WBP1L: variants seen among roughly 807,000 people sequenced by gnomAD.
WBP1L encodes the protein WW domain binding protein 1 like, also known as WW domain binding protein 1-like.
A neutral mutation model predicts 33.7 loss-of-function variants in WBP1L; 17 were observed. The observed-to-expected ratio is 0.50, with a 90% CI of 0.34 to 0.76. The LOEUF (loss-of-function observed/expected upper bound fraction) is 0.76, where lower values mean the gene tolerates loss of function less well. Among genes scored for constraint, WBP1L ranks in the 30% least tolerant of loss-of-function variants. The pLI is 0.01. For synonymous variants in WBP1L, 173 were observed against 190.8 expected, an observed-to-expected ratio of 0.91 and a Z score of 0.77; for missense variants, 389 against 469.4, an observed-to-expected ratio of 0.83 and a Z score of 1.58.
At chr10:102,758,303 G>A (rs925650335) in intron 1 of WBP1L, among the ~76,000 whole-genome samples, 3 of 151,956 alleles carry the variant, frequency 2.0e-5, no homozygotes, top group Non-Finnish European at 2.9e-5. Context: ...CACCATCACC[G>A]CTATCTTAAT....
At chr10:102,772,716 T>A (rs1329774624) in intron 1 of WBP1L, among the ~76,000 whole-genome samples, 1 of 150,726 alleles carries the variant, frequency 6.6e-6, no homozygotes, top group East Asian at 1.9e-4. Context: ...ACAACAGGCA[T>A]GTGCCACCAT....
At chr10:102,765,579 G>A (rs969770820) in intron 1 of WBP1L, among the ~76,000 whole-genome samples, 4 of 152,150 alleles carry the variant, frequency 2.6e-5, no homozygotes, top group South Asian at 2.1e-4. Flanking sequence ...TTCATGTGAC[G>A]ATCTTTTCTT....
intron 1 of WBP1L, among the ~76,000 whole-genome samples, chr10:102,781,089 T>C (rs1843328700): frequency 6.6e-6 from 1 of 152,180 alleles, no homozygotes; most frequent in Admixed American, 6.5e-5. Flanking sequence ...AGGGGCTGTT[T>C]GTATTTTTGA....
At chr10:102,801,445 G>C (rs1843656025) in intron 2 of WBP1L, among the ~76,000 whole-genome samples, 1 of 152,190 alleles carries the variant, frequency 6.6e-6, no homozygotes, top group South Asian at 2.1e-4. Flanking sequence ...ACCTGAGAAT[G>C]TGCAATTGTA....
Position 102,760,352 on chromosome 10 carries a change from GTTTC to G in WBP1L, c.90+16233_90+16236del, listed in dbSNP as rs199961327. On this transcript the variant is annotated intron_variant, in intron 1 of 3. Transcript: ENST00000448841. ...CACTTAACCTCTCTGAGCCTTCCTT[GTTTC>G]TTTCTTTCTTTCTTTCTTTCTTTTT... Among the ~76,000 whole-genome samples, 573 of 139,434 alleles carry G rather than the reference GTTTC, an allele frequency of 4.1e-3. 14 individuals are homozygous for G. The highest frequency in any genetic ancestry group is 8.6e-3 in the African/African-American group (315 of 36,468). The allele number at this position is 139,434 out of a possible 152,430, so 91.5% of individuals were successfully genotyped here.
At chr10:102,748,380 C>G (rs1842890230) in intron 1 of WBP1L, among the ~76,000 whole-genome samples, 1 of 152,194 alleles carries the variant, frequency 6.6e-6, no homozygotes, top group South Asian at 2.1e-4. Context: ...CCTTTACTCA[C>G]CTCCATTCCC....
chr10:102,747,375 A>G (rs1341795318), intron 1 of WBP1L, among the ~76,000 whole-genome samples: 1 of 151,976 alleles, frequency 6.6e-6, no homozygotes, highest in Non-Finnish European at 1.5e-5. Context: ...AAAAAAAAAA[A>G]AAAAAGAATG....
At chr10:102,796,179 A>C (rs997890648) in intron 1 of WBP1L, among the ~76,000 whole-genome samples, 6 of 140,980 alleles carry the variant, frequency 4.3e-5, no homozygotes, top group Non-Finnish European at 9.4e-5. Flanking sequence ...TATGGTGGAC[A>C]TGGGAGGGTG....
intron 1 of WBP1L, among the ~76,000 whole-genome samples, chr10:102,757,213 C>T (rs1842986753): frequency 6.6e-6 from 1 of 152,144 alleles, no homozygotes; most frequent in Admixed American, 6.6e-5. Flanking sequence ...TTTATAGAGA[C>T]AGGGTCTTGC....
intron 1 of WBP1L, among the ~76,000 whole-genome samples, chr10:102,778,823 G>A (rs115232469): frequency 0.011 from 1,603 of 152,070 alleles, 32 homozygotes; most frequent in African/African-American, 0.037. Flanking sequence ...CATCTTTATC[G>A]TACATATGTA....
At chr10:102,764,399 T>C (rs1052984719) in intron 1 of WBP1L, among the ~76,000 whole-genome samples, 2 of 152,178 alleles carry the variant, frequency 1.3e-5, no homozygotes, top group African/African-American at 4.8e-5. Context: ...TTTCTTCTGC[T>C]TTGGTCCAGT....
At chr10:102,763,979 A>T (rs1195664416) in intron 1 of WBP1L, among the ~76,000 whole-genome samples, 1 of 150,312 alleles carries the variant, frequency 6.7e-6, no homozygotes, top group Non-Finnish European at 1.5e-5. Flanking sequence ...ACGCCCGGCT[A>T]ATTTTCGTAT....
intron 2 of WBP1L, among the ~76,000 whole-genome samples, chr10:102,808,401 TA>T (rs1228407645): frequency 1.3e-5 from 2 of 152,194 alleles, no homozygotes; most frequent in Non-Finnish European, 2.9e-5. Context: ...GCCACACATT[TA>T]AAAATTGGAG....
rs1436727549 is a variant in WBP1L at position 102,768,364 on chromosome 10, G to GTTT, written c.90+24225_90+24227dup. ...GCTTGAGCCATTGCGCCTGGCATTA[G>GTTT]TTTTTTGTTTTTTTTTTTTTTTTTT... On this transcript the variant is annotated intron_variant, in intron 1 of 3. Coordinates refer to ENST00000448841, the MANE Select transcript of WBP1L (RefSeq NM_001083913.2). Among the ~76,000 whole-genome samples the GTTT allele has an allele frequency of 4.5e-5, 2 of 44,578 alleles. 1 individual carries two copies. The highest frequency in any genetic ancestry group is 2.3e-4 in the African/African-American group (2 of 8,878). The allele number at this position is 44,578 out of a possible 152,430, so 29.2% of individuals were successfully genotyped here.
intron 1 of WBP1L, among the ~76,000 whole-genome samples, chr10:102,749,473 TAAAA>T (rs532742515): frequency 2.0e-5 from 3 of 151,302 alleles, no homozygotes; most frequent in African/African-American, 7.3e-5. Context: ...TTCTCTCTAA[TAAAA>T]AAAATTTTTT....
At position 102,750,170 on chromosome 10, in the gene WBP1L, G is replaced by A. The variant is rs1214188162; in HGVS notation, c.90+6027G>A. ...CACCTGTAATCCCAGCACTTTGGGA[G>A]GCTGAGGCGGGTGGATCATTTGAGG... is the stretch of plus-strand genomic sequence containing the variant. On this transcript the variant is annotated intron_variant, in intron 1 of 3. Transcript: ENST00000448841. 2.6e-5 allele frequency among the ~76,000 whole-genome samples: 4 copies of A among 151,884 alleles called. No homozygotes were observed. In the East Asian group the frequency reaches 7.9e-4, roughly 30 times the overall value.
intron 1 of WBP1L, among the ~76,000 whole-genome samples, chr10:102,794,068 GCCC>G (rs1843539219): frequency 6.6e-6 from 1 of 152,078 alleles, no homozygotes; most frequent in East Asian, 1.9e-4. Context: ...ACCACACCTG[GCCC>G]CAGCGAACTC....
intron 1 of WBP1L, among the ~76,000 whole-genome samples, chr10:102,785,092 T>C (rs913514315): frequency 1.3e-5 from 2 of 151,690 alleles, no homozygotes; most frequent in Non-Finnish European, 2.9e-5. Context: ...CGGGCAGATC[T>C]TGAACTCCTG....
At chr10:102,808,228 A>G (rs764805145) in intron 2 of WBP1L, among the ~76,000 whole-genome samples, 2 of 152,248 alleles carry the variant, frequency 1.3e-5, no homozygotes, top group Admixed American at 6.5e-5. Flanking sequence ...TTGAAAGAAA[A>G]TAATCAAAAG....
Sources: gnomAD v4.1 joint callset for allele counts (sites outside exome capture counted in the v4.1 genomes callset) on GRCh38, gnomAD v4.1.1 for gene constraint, MANE v1.5 for transcripts, NCBI Gene and HGNC (gene_info 2026-07-23, HGNC 2026-07-21) for gene names.